Variants in LRRC27 observed in about 807,000 individuals in gnomAD.
LRRC27 encodes the protein leucine rich repeat containing 27.
A neutral mutation model predicts 55.0 loss-of-function variants in LRRC27; 57 were observed. That is an observed-to-expected ratio of 1.04 (90% CI 0.84 to 1.29). The LOEUF is 1.29. LRRC27 is among the 50% of genes most tolerant of loss of function. LRRC27 has a pLI of 0.00. For missense variants in LRRC27, 721 were observed against 651.5 expected (o/e 1.11, Z -1.16); for synonymous variants, 278 against 251.9 (o/e 1.10, Z -0.98).
chr10:132,331,595 C>T (rs894262303), upstream of LRRC27: 17 of 1,612,908 alleles, frequency 1.1e-5, no homozygotes, highest in Non-Finnish European at 1.4e-5. Flanking sequence ...AGGAGAGACG[C>T]GGGGAGTGAG....
intron 10 of LRRC27, among the ~76,000 whole-genome samples, chr10:132,373,989 C>T (rs1428053691): frequency 6.6e-6 from 1 of 152,212 alleles, no homozygotes; most frequent in Non-Finnish European, 1.5e-5. Context: ...GTAACATTGA[C>T]CAAGTCGCAG....
At chr10:132,335,696 G>A (rs1166026229) in intron 2 of LRRC27, among the ~76,000 whole-genome samples, 2 of 151,948 alleles carry the variant, frequency 1.3e-5, no homozygotes, top group South Asian at 2.1e-4. Flanking sequence ...CTTCCTGGAC[G>A]TTCCCTATTG....
Position 132,374,992 on chromosome 10 carries a change from C to G in LRRC27, c.1417-74C>G. ...ACATGGCCTGGGCCCCACGTGGAAT[C>G]TGAGCCAGAGACGTGGTGACGCCCT... On this transcript the variant is annotated intron_variant, in intron 10 of 10. Transcript: ENST00000368614. The surrounding 1 kb of genome is among the most constrained non-coding windows in gnomAD (Gnocchi z 4.4). 1 of 1,471,768 alleles carries G rather than the reference C, an allele frequency of 6.8e-7. No individual in the cohort carries two copies. The highest frequency in any genetic ancestry group is 1.3e-5 in the South Asian group (1 of 77,622). 91.2% of individuals were successfully genotyped at this position (1,471,768 alleles called of 1,614,324 possible).
intron 10 of LRRC27, among the ~76,000 whole-genome samples, 199 bp downstream of exon 10, chr10:132,365,749 C>G (rs2069049555): frequency 1.3e-5 from 2 of 152,152 alleles, no homozygotes; most frequent in Admixed American, 1.3e-4. Flanking sequence ...CAAGTGTACA[C>G]CACCATGCCC....
In LRRC27 at chr10:132,375,432, C is replaced by T; in HGVS notation, c.*190C>T. Reference sequence around the variant, plus strand: ...CTCCTGAGGCTGTGGAAGATTTCAGCCGTATTAAAAGAAAGGACACTGTGA... The same window carrying T: ...CTCCTGAGGCTGTGGAAGATTTCAGTCGTATTAAAAGAAAGGACACTGTGA... On this transcript the variant is annotated 3_prime_UTR_variant, in exon 11 of 11. Transcript: ENST00000368614. 1.8e-6 allele frequency: 1 copy of T among 545,254 alleles called. No homozygotes were observed. The highest frequency in any genetic ancestry group is 3.2e-6 in the Non-Finnish European group (1 of 312,752). The allele number at this position is 545,254 out of a possible 1,614,324, so 33.8% of individuals were successfully genotyped here.
chr10:132,369,464 G>T (rs757085179), intron 10 of LRRC27, among the ~76,000 whole-genome samples: 2 of 152,194 alleles, frequency 1.3e-5, no homozygotes, highest in South Asian at 2.1e-4. Flanking sequence ...GAGAAGACAC[G>T]GGGGAGCCGA....
chr10:132,345,003 A>C, intron 5 of LRRC27: 1 of 186,246 alleles, frequency 5.4e-6, no homozygotes, highest in Non-Finnish European at 1.1e-5. Context: ...AAGTACAATG[A>C]AATATTCCTT....
intron 10 of LRRC27, among the ~76,000 whole-genome samples, chr10:132,373,818 T>C (rs1314012986): frequency 1.3e-5 from 2 of 151,972 alleles, no homozygotes; most frequent in Non-Finnish European, 2.9e-5. Flanking sequence ...ACTTGGCCAG[T>C]GGAGGAGGAT....
intron 7 of LRRC27, chr10:132,353,233 C>T: frequency 7.6e-7 from 1 of 1,315,614 alleles, no homozygotes; most frequent in Non-Finnish European, 9.8e-7. Flanking sequence ...CTGCCTGGAG[C>T]TGGCCGAGTC....
upstream of LRRC27, chr10:132,331,791 G>A (rs1457611560): frequency 1.9e-6 from 3 of 1,604,978 alleles, no homozygotes; most frequent in Non-Finnish European, 1.7e-6. Context: ...AGACCCTCGC[G>A]GTCTCTACTT....
chr10:132,331,382 C>A, upstream of LRRC27: 1 of 1,541,952 alleles, frequency 6.5e-7, no homozygotes, highest in South Asian at 1.2e-5. Flanking sequence ...CCCTCCCGCC[C>A]GGTGTCATTT....
In LRRC27 at chr10:132,374,619, C is replaced by A. The variant is rs2069302143; in HGVS notation, c.1417-447C>A. Among the ~76,000 whole-genome samples, 2 of 152,198 alleles carry A rather than the reference C, an allele frequency of 1.3e-5. No individual in the cohort carries two copies. Among genetic ancestry groups the A allele is most frequent in the South Asian group, 4.1e-4 (2 of 4,830 alleles). On this transcript the variant is annotated intron_variant, in intron 10 of 10. Transcript: ENST00000368614. The surrounding 1 kb of genome is among the most constrained non-coding windows in gnomAD (Gnocchi z 4.4). ...TGGGGTGGGGGTGGCAATTGTGGCC[C>A]CATCTGCTTCCCAGGACAGTTACGG...
chr10:132,350,619 G>T, intron 6 of LRRC27: 1 of 152,682 alleles, frequency 6.5e-6, no homozygotes, highest in Non-Finnish European at 1.5e-5. Flanking sequence ...ATGCAGCGTG[G>T]GGGGGCGGGC....
Position 132,333,660 on chromosome 10 carries a change from T to C in LRRC27, c.136T>C (p.Ser46Pro). 1 of 1,613,742 alleles carries C rather than the reference T, an allele frequency of 6.2e-7. No individual in the cohort carries two copies. Among genetic ancestry groups the C allele is most frequent in the South Asian group, 1.1e-5 (1 of 91,062 alleles). The change falls in exon 2 of 11, where the codon TCC (serine) becomes CCC (proline). Residue 46 changes from serine to proline, a missense_variant. Ser to Pro is a moderately conservative substitution (Grantham distance 74). Coordinates refer to ENST00000368614, the MANE Select transcript of LRRC27 (RefSeq NM_030626.3). ...HKGVGGIIFS[S>P]SPILDLSESG... Reference sequence around the variant, plus strand: ...GGGTGTTGGAGGCATCATCTTTTCCTCCTCACCGATTTTAGACTTGAGTGA... The same window carrying C: ...GGGTGTTGGAGGCATCATCTTTTCCCCCTCACCGATTTTAGACTTGAGTGA...
upstream of LRRC27, chr10:132,331,516 C>T (rs754432615): frequency 5.0e-6 from 8 of 1,612,962 alleles, no homozygotes; most frequent in Non-Finnish European, 6.8e-6. Flanking sequence ...CTGCGTTCCC[C>T]TGGCAGCAAG....
intron 5 of LRRC27, among the ~76,000 whole-genome samples, chr10:132,346,676 T>C (rs574579081): frequency 6.6e-6 from 1 of 152,244 alleles, no homozygotes; most frequent in East Asian, 1.9e-4. Flanking sequence ...AAAAAATAAA[T>C]AAATAAATAA....
At position 132,375,217 on chromosome 10, in the gene LRRC27, C is replaced by G; in HGVS notation, c.1568C>G (p.Ser523Ter). Residue 523 changes from serine (S) to a stop codon, truncating the protein, a stop_gained, in exon 11 of 11, where the codon TCA (serine) becomes TGA (stop). Transcript: ENST00000368614. LOFTEE classifies it low-confidence loss of function (END_TRUNC). ...TTTTTTAACACAAAATATGGAGAATCAGGAAATGTTCGCAGATACCAGTGA... is the reference window on the plus strand; with the variant it reads ...TTTTTTAACACAAAATATGGAGAATGAGGAAATGTTCGCAGATACCAGTGA... ...NTFFNTKYGE[S>*]GNVRRYQ The G allele has an allele frequency of 6.2e-7, 1 of 1,613,572 alleles. No individual in the cohort carries two copies. Among genetic ancestry groups the G allele is most frequent in the South Asian group, 1.1e-5 (1 of 91,048 alleles).
At chr10:132,364,508 C>T (rs1360517620) in intron 9 of LRRC27, among the ~76,000 whole-genome samples, 5 of 40,766 alleles carry the variant, frequency 1.2e-4, no homozygotes, top group African/African-American at 5.3e-4. Flanking sequence ...CTTACATCTA[C>T]CTCCACACTC....
chr10:132,340,783 G>A (rs1247446330), intron 3 of LRRC27, among the ~76,000 whole-genome samples: 2 of 150,310 alleles, frequency 1.3e-5, no homozygotes, highest in African/African-American at 4.9e-5. Context: ...GGCCAACATG[G>A]TGAAACTCCG....
Sources: gnomAD v4.1 joint callset for allele counts (sites outside exome capture counted in the v4.1 genomes callset) on GRCh38, gnomAD v4.1.1 for gene constraint, Gnocchi (gnomAD v3.1) non-coding constraint, MANE v1.5 for transcripts, NCBI Gene and HGNC (gene_info 2026-07-23, HGNC 2026-07-21) for gene names.